BMI1: variants seen among roughly 807,000 people sequenced by gnomAD.
BMI1 encodes polycomb complex protein BMI-1.
BMI1 carries 9 observed loss-of-function variants against 39.1 expected under a neutral mutation model. That is an observed-to-expected ratio of 0.23 (90% CI 0.14 to 0.40). The LOEUF (loss-of-function observed/expected upper bound fraction) is 0.40. BMI1 is among the 10% of genes least tolerant of loss of function. BMI1 has a pLI of 1.00. For missense variants in BMI1, 252 were observed against 390.8 expected, an observed-to-expected ratio of 0.64 and a Z score of 2.99; for synonymous variants, 131 against 127.9, an observed-to-expected ratio of 1.02 and a Z score of -0.16.
At chr10:22,322,658 C>T (rs1324146642) in intron 1 of BMI1, among the ~76,000 whole-genome samples, 1 of 151,786 alleles carries the variant, frequency 6.6e-6, no homozygotes, top group Non-Finnish European at 1.5e-5. Flanking sequence ...TTCTTTTTTC[C>T]CCTTTTGGAG....
intron 1 of BMI1, 141 bp from the exon 2 acceptor site, chr10:22,326,290 T>G (rs1564350100): frequency 8.6e-7 from 1 of 1,168,446 alleles, no homozygotes; most frequent in East Asian, 2.6e-5. Flanking sequence ...GATGAGTAAA[T>G]TCCTTCTGTA....
rs761671856 is a variant in BMI1 at position 22,329,139 on chromosome 10, T to G, written c.651+11T>G. Reference sequence around the variant, plus strand: ...TATACCTGGAGAAGGGTAAGTAGCATATCTGTTGTTAGATTATGATGGTAA... The same window carrying G: ...TATACCTGGAGAAGGGTAAGTAGCAGATCTGTTGTTAGATTATGATGGTAA... On this transcript the variant is annotated intron_variant, in intron 9 of 9. Coordinates refer to ENST00000376663, the MANE Select transcript of BMI1 (RefSeq NM_005180.9). 21 of 1,611,484 alleles carry G rather than the reference T, an allele frequency of 1.3e-5. No individual in the cohort carries two copies. Among genetic ancestry groups the G allele is most frequent in the Middle Eastern group, 3.3e-4 (2 of 6,042 alleles).
At chr10:22,327,829 G>T (rs764815710) in intron 5 of BMI1, 37 bp downstream of exon 5, 5 of 1,611,580 alleles carry the variant, frequency 3.1e-6, no homozygotes, top group Non-Finnish European at 4.2e-6. Context: ...TTTTATATGG[G>T]GGGAGAGCTT....
At position 22,326,580 on chromosome 10, in the gene BMI1, C is replaced by A; in HGVS notation, c.112+19C>A. ...CATTCCTGTAAGTACCGAGCTTTAG[C>A]TCTCTTTTGTATCATGCGTATTTCA... On this transcript the variant is annotated intron_variant, in intron 2 of 9. Transcript: ENST00000376663. The A allele has an allele frequency of 1.2e-6, 2 of 1,612,526 alleles. No individual in the cohort carries two copies. Among genetic ancestry groups the A allele is most frequent in the South Asian group, 2.2e-5 (2 of 90,744 alleles).
Position 22,327,582 on chromosome 10 carries a change from AATT to A in BMI1, c.210-9_210-7del. 1 of 1,584,874 alleles carries A rather than the reference AATT, an allele frequency of 6.3e-7. No individual in the cohort carries two copies. Among genetic ancestry groups the A allele is most frequent in the Middle Eastern group, 1.9e-4 (1 of 5,388 alleles). ...ATCTGAATTCATAGTTTTCTATTTTAATTATTTTTCAGGTCAGATAAAACTCTC... is the reference window on the plus strand; with the variant it reads ...ATCTGAATTCATAGTTTTCTATTTTAATTTTTCAGGTCAGATAAAACTCTC... On this transcript the variant is annotated splice_polypyrimidine_tract_variant and intron_variant, in intron 3 of 9. Coordinates refer to ENST00000376663, the MANE Select transcript of BMI1 (RefSeq NM_005180.9).
At chr10:22,325,149 C>G (rs1260651108) in intron 1 of BMI1, among the ~76,000 whole-genome samples, 2 of 152,216 alleles carry the variant, frequency 1.3e-5, no homozygotes, top group Non-Finnish European at 2.9e-5. Context: ...TTTCAGTTTT[C>G]AGCCTTTCCA....
At chr10:22,326,378 A>C (rs1836151318) in intron 1 of BMI1, 53 bp from the exon 2 acceptor site, 2 of 1,600,686 alleles carry the variant, frequency 1.2e-6, no homozygotes, top group Admixed American at 1.7e-5. Flanking sequence ...TGATTACTAG[A>C]TGATCTCCAT....
At position 22,321,485 on chromosome 10, in the gene BMI1, C is replaced by G. The variant is rs1002484452; in HGVS notation, c.-231C>G. 5.1e-5 allele frequency: 8 copies of G among 158,056 alleles called. No homozygotes were observed. The highest frequency in any genetic ancestry group is 1.9e-4 in the African/African-American group (8 of 41,380). 9.8% of individuals were successfully genotyped at this position (158,056 alleles called of 1,614,324 possible). A position where few individuals can be genotyped will look rare whatever the true frequency, so the allele number is the denominator to read the frequency against. On this transcript the variant is annotated 5_prime_UTR_variant, in exon 1 of 10. Coordinates refer to ENST00000376663, the MANE Select transcript of BMI1 (RefSeq NM_005180.9). ...GCCGAGGCGCCGGAGGAGGCCGAGG[C>G]GCCGGAGCAGGAGGAGGCCGGCCGG...
intron 1 of BMI1, 144 bp from the exon 2 acceptor site, chr10:22,326,286 TA>T: frequency 8.8e-7 from 1 of 1,133,778 alleles, no homozygotes; most frequent in Non-Finnish European, 1.2e-6. Context: ...ATCTGATGAG[TA>T]AATTCCTTCT....
In BMI1 at chr10:22,328,596, T is replaced by G; in HGVS notation, c.472-4T>G. On this transcript the variant is annotated splice_polypyrimidine_tract_variant and splice_region_variant and intron_variant, in intron 7 of 9. Coordinates refer to ENST00000376663, the MANE Select transcript of BMI1 (RefSeq NM_005180.9). The stretch of plus-strand genomic sequence containing the variant: ...AAAAGTTACTTTTCTAAATGTACTT[T>G]TAGGTGAATGATAAAAGATACTTAC... The G allele has an allele frequency of 6.3e-7, 1 of 1,589,214 alleles. No individual in the cohort carries two copies. The highest frequency in any genetic ancestry group is 8.5e-7 in the Non-Finnish European group (1 of 1,172,088).
At chr10:22,322,303 G>A (rs1002227937) in intron 1 of BMI1, 1 of 152,316 alleles carries the variant, frequency 6.6e-6, no homozygotes, top group Non-Finnish European at 1.5e-5. Flanking sequence ...TTATAGGGAC[G>A]GGTTGCGTGG....
chr10:22,327,887 C>G, intron 5 of BMI1, 63 bp from the exon 6 acceptor site: 2 of 1,584,810 alleles, frequency 1.3e-6, no homozygotes. Flanking sequence ...CTTCCATCCT[C>G]TTATATATAA....
At chr10:22,322,698 A>G (rs1021066973) in intron 1 of BMI1, among the ~76,000 whole-genome samples, 10 of 152,176 alleles carry the variant, frequency 6.6e-5, no homozygotes, top group Non-Finnish European at 1.5e-5. Context: ...CTTCTACTAA[A>G]GGATGCACTC....
At chr10:22,324,368 T>A (rs770006905) in intron 1 of BMI1, among the ~76,000 whole-genome samples, 20 of 152,362 alleles carry the variant, frequency 1.3e-4, no homozygotes, top group Non-Finnish European at 2.8e-4. Context: ...TTACCAAGTA[T>A]AATTTGATTT....
chr10:22,326,488 T>C lies in BMI1; in HGVS notation c.39T>C (p.Asn13=), dbSNP rs751556193. ...RTTRIKITEL[N]PHLMCVLCGG... is the part of the protein sequence containing the mutation. ...CGAGAATCAAGATCACTGAGCTAAA[T>C]CCCCACCTGATGTGTGTGCTTTGTG... Residue 13 remains asparagine (N), a synonymous_variant, in exon 2 of 10, where the codon AAT becomes AAC. Transcript: ENST00000376663. 269 of 1,614,010 alleles carry C rather than the reference T, an allele frequency of 1.7e-4. 1 individual carries two copies. The highest frequency in any genetic ancestry group is 1.5e-5 in the Non-Finnish European group (18 of 1,180,040).
intron 1 of BMI1, among the ~76,000 whole-genome samples, 158 bp downstream of exon 1, chr10:22,321,854 G>A (rs1199422149): frequency 7.0e-6 from 1 of 142,814 alleles, no homozygotes; most frequent in African/African-American, 2.5e-5. Flanking sequence ...CGCGCCCCGC[G>A]CCGCCCGCCC....
rs868297739 is a variant in BMI1, at chr10:22,321,582, T to G, written c.-134T>G. ...CTGGTTGCCCATTGACAGCGGCGTC[T>G]GCAGCTCGCTTCAAGATGGCCGCTT... On this transcript the variant is annotated 5_prime_UTR_variant, in exon 1 of 10. Transcript: ENST00000376663. The G allele has an allele frequency of 6.5e-6, 1 of 152,840 alleles. No individual in the cohort carries two copies. 9.5% of individuals were successfully genotyped at this position (152,840 alleles called of 1,614,324 possible). A position where few individuals can be genotyped will look rare whatever the true frequency, so the allele number is the denominator to read the frequency against.
rs1203172946 is a variant in BMI1 at position 22,330,453 on chromosome 10, T to G, written c.*911T>G. ...TAAAGTCTGTTCCATTAGAAGCAAT[T>G]GGCACATCTTTCTATACTTTATATA... On this transcript the variant is annotated 3_prime_UTR_variant, in exon 10 of 10. Coordinates refer to ENST00000376663, the MANE Select transcript of BMI1 (RefSeq NM_005180.9). 2 of 152,484 alleles carry G rather than the reference T, an allele frequency of 1.3e-5. No homozygotes were observed. Among genetic ancestry groups the G allele is most frequent in the Non-Finnish European group, 2.9e-5 (2 of 68,024 alleles). The allele number at this position is 152,484 out of a possible 1,614,324, so 9.4% of individuals were successfully genotyped here. A position where few individuals can be genotyped will look rare whatever the true frequency, so the allele number is the denominator to read the frequency against.
intron 3 of BMI1, 132 bp from the exon 4 acceptor site, chr10:22,327,461 CTT>C: frequency 1.1e-6 from 1 of 894,944 alleles, no homozygotes; most frequent in South Asian, 2.2e-5. Flanking sequence ...TAGTTTTTAT[CTT>C]ATCAATAATA....
Sources: gnomAD v4.1 joint callset for allele counts (sites outside exome capture counted in the v4.1 genomes callset) on GRCh38, gnomAD v4.1.1 for gene constraint, MANE v1.5 for transcripts, NCBI Gene and HGNC (gene_info 2026-07-23, HGNC 2026-07-21) for gene names.